The following FRMD4A variants were observed in gnomAD, a reference collection of about 807,000 sequenced individuals.
FRMD4A encodes FERM domain containing 4A.
A neutral mutation model predicts 129.1 loss-of-function variants in FRMD4A; 29 were observed. The ratio of observed to expected loss-of-function variants is 0.22; its 90% CI spans 0.17 to 0.31. The LOEUF (loss-of-function observed/expected upper bound fraction) is 0.31, where lower values mean the gene tolerates loss of function less well. Among genes scored for constraint, FRMD4A ranks in the 10% least tolerant of loss-of-function variants. The pLI is 1.00. For missense variants in FRMD4A, 1,272 were observed against 1,375.8 expected (o/e 0.92, Z 1.19); for synonymous variants, 634 against 571.6 (o/e 1.11, Z -1.56).
At chr10:14,089,917 T>C (rs1421626148) in intron 2 of FRMD4A, among the ~76,000 whole-genome samples, 1 of 152,186 alleles carries the variant, frequency 6.6e-6, no homozygotes, top group Non-Finnish European at 1.5e-5. Context: ...TCGTATATAT[T>C]GTACAGATTT....
intron 2 of FRMD4A, among the ~76,000 whole-genome samples, chr10:14,039,367 C>T (rs1176252597): frequency 1.9e-4 from 21 of 111,078 alleles, no homozygotes; most frequent in Admixed American, 2.9e-4. Flanking sequence ...TCTGTCCGTC[C>T]GTCCATCCAT....
chr10:14,256,504 A>C (rs1844618182), intron 2 of FRMD4A, among the ~76,000 whole-genome samples: 3 of 152,226 alleles, frequency 2.0e-5, no homozygotes, highest in South Asian at 4.1e-4. Flanking sequence ...TAAATTTTTC[A>C]TGGCAATTAT....
intron 2 of FRMD4A, among the ~76,000 whole-genome samples, chr10:13,975,580 G>A (rs2095539465): frequency 6.6e-6 from 1 of 151,408 alleles, no homozygotes; most frequent in Admixed American, 6.6e-5. Flanking sequence ...GTCTGTCTCT[G>A]TGAATCTCTG....
intron 2 of FRMD4A, among the ~76,000 whole-genome samples, chr10:14,047,234 G>A (rs1834027076): frequency 6.6e-6 from 1 of 152,124 alleles, no homozygotes; most frequent in Admixed American, 6.5e-5. Context: ...TTTATTGATG[G>A]TCTTGCTTGG....
intron 8 of FRMD4A, among the ~76,000 whole-genome samples, chr10:13,756,771 G>C (rs1316612136): frequency 2.0e-5 from 3 of 152,160 alleles, no homozygotes; most frequent in African/African-American, 7.2e-5. Flanking sequence ...TGGCTGATAA[G>C]GTTTTCAGTT....
intron 2 of FRMD4A, among the ~76,000 whole-genome samples, chr10:14,049,952 G>A (rs529273843): frequency 2.8e-4 from 43 of 152,288 alleles, no homozygotes; most frequent in Non-Finnish European, 4.7e-4. Context: ...CCGCACTTCC[G>A]TCTAGTTCAT....
intron 12 of FRMD4A, among the ~76,000 whole-genome samples, chr10:13,714,033 T>TATA (rs1554858946): frequency 4.1e-5 from 1 of 24,244 alleles, no homozygotes; most frequent in Non-Finnish European, 8.0e-5. Flanking sequence ...TATACATATA[T>TATA]ATATATATAT....
At chr10:14,011,572 G>A (rs2095682517) in intron 2 of FRMD4A, among the ~76,000 whole-genome samples, 1 of 152,290 alleles carries the variant, frequency 6.6e-6, no homozygotes, top group Non-Finnish European at 1.5e-5. Flanking sequence ...AGTTGAAAGG[G>A]AACTGTGGAA....
At chr10:13,825,999 G>A (rs912434495) in intron 3 of FRMD4A, among the ~76,000 whole-genome samples, 1 of 152,100 alleles carries the variant, frequency 6.6e-6, no homozygotes, top group East Asian at 1.9e-4. Flanking sequence ...ATTTGTAATC[G>A]GCCTTCAGGG....
At chr10:13,866,358 G>C in intron 2 of FRMD4A, 1 of 682,836 alleles carries the variant, frequency 1.5e-6, no homozygotes. Context: ...TCTGACCTCT[G>C]ACCCAGGCTG....
At chr10:14,078,689 G>GA (rs1835752226) in intron 2 of FRMD4A, among the ~76,000 whole-genome samples, 1 of 152,140 alleles carries the variant, frequency 6.6e-6, no homozygotes, top group African/African-American at 2.4e-5. Flanking sequence ...TAGGATGGAT[G>GA]AAAAAAACGA....
At chr10:13,702,402 C>T (rs1361815325) in intron 13 of FRMD4A, among the ~76,000 whole-genome samples, 1 of 152,162 alleles carries the variant, frequency 6.6e-6, no homozygotes, top group Non-Finnish European at 1.5e-5. Context: ...AGTAATCAGA[C>T]TTTAAAAGTG....
At chr10:13,950,820 T>C (rs923845128) in intron 2 of FRMD4A, among the ~76,000 whole-genome samples, 2 of 152,202 alleles carry the variant, frequency 1.3e-5, no homozygotes, top group African/African-American at 4.8e-5. Context: ...TGTCAGGAAG[T>C]CCTCCCCGAT....
At chr10:14,301,939 G>A (rs1846199279) in intron 2 of FRMD4A, among the ~76,000 whole-genome samples, 2 of 152,138 alleles carry the variant, frequency 1.3e-5, no homozygotes, top group Non-Finnish European at 2.9e-5. Flanking sequence ...GAGCGGTCCA[G>A]GGACACCAGA....
At chr10:13,901,608 CAAA>C (rs35890520) in intron 2 of FRMD4A, among the ~76,000 whole-genome samples, 30 of 120,746 alleles carry the variant, frequency 2.5e-4, no homozygotes, top group Admixed American at 4.1e-4. Context: ...GACTTCATCT[CAAA>C]AAAAAAAAAA....
chr10:13,663,796 G>A (rs924365372), intron 18 of FRMD4A, among the ~76,000 whole-genome samples: 7 of 152,082 alleles, frequency 4.6e-5, no homozygotes, highest in African/African-American at 1.4e-4. Context: ...GCTTCATACC[G>A]AATATAAAGG....
At chr10:13,650,846 C>A (rs1233894055) in intron 24 of FRMD4A, among the ~76,000 whole-genome samples, 2 of 152,190 alleles carry the variant, frequency 1.3e-5, no homozygotes, top group Non-Finnish European at 2.9e-5. Context: ...TAAGCCCCCT[C>A]CTCCCACGGC....
In FRMD4A at chr10:14,013,106, C is replaced by G. The variant is rs189490943; in HGVS notation, c.46-154194G>C. On this transcript the variant is annotated intron_variant, in intron 2 of 24. Coordinates refer to ENST00000357447, the MANE Select transcript of FRMD4A (RefSeq NM_018027.5). ...CTGGAGAAAGAGATGGGAAGGTGAC[C>G]TAAGGGGCCTTTCTGATTTTGTTCC... 4.5e-3 allele frequency among the ~76,000 whole-genome samples: 686 copies of G among 152,184 alleles called. 5 individuals carry two copies. The highest frequency in any genetic ancestry group is 6.0e-3 in the Non-Finnish European group (406 of 68,012).
chr10:14,204,502 T>C (rs1350382942), intron 2 of FRMD4A, among the ~76,000 whole-genome samples: 1 of 152,148 alleles, frequency 6.6e-6, no homozygotes, highest in Non-Finnish European at 1.5e-5. Context: ...TGAAAACTCA[T>C]AGCAAACTAA....
Sources: gnomAD v4.1 joint callset for allele counts (sites outside exome capture counted in the v4.1 genomes callset) on GRCh38, gnomAD v4.1.1 for gene constraint, MANE v1.5 for transcripts, NCBI Gene and HGNC (gene_info 2026-07-23, HGNC 2026-07-21) for gene names.